The following VPS13B variants were observed in gnomAD, a reference collection of about 807,000 sequenced individuals.
VPS13B encodes intermembrane lipid transfer protein VPS13B.
A neutral mutation model predicts 426.4 loss-of-function variants in VPS13B; 285 were observed. The ratio of observed to expected loss-of-function variants is 0.67; its 90% CI spans 0.61 to 0.74. VPS13B has a LOEUF of 0.74. VPS13B is among the 30% of genes least tolerant of loss of function. The pLI is 0.00. For missense variants in VPS13B, 4,537 were observed against 4,782.6 expected, an observed-to-expected ratio of 0.95 and a Z score of 1.51; for synonymous variants, 1,676 against 1,676.4, an observed-to-expected ratio of 1.00 and a Z score of 0.01.
chr8:99,220,780 CTTTTTT>C (rs5893485), intron 17 of VPS13B, among the ~76,000 whole-genome samples: 1,458 of 112,934 alleles, frequency 0.013, 15 homozygotes, highest in African/African-American at 0.018. Context: ...TAGTTTTATT[CTTTTTT>C]TTTTTTTTTT....
chr8:99,870,829 C>T lies in VPS13B; in HGVS notation c.11437C>T (p.His3813Tyr). 3 of 1,614,186 alleles carry T rather than the reference C, an allele frequency of 1.9e-6. No homozygotes were observed. Among genetic ancestry groups the T allele is most frequent in the Admixed American group, 3.3e-5 (2 of 60,026 alleles). Reference protein sequence around the residue: ...AGLSQLPKQRHQPSDLHADQA... With the variant: ...AGLSQLPKQRYQPSDLHADQA... ...ACTTTCTCAGCTTCCCAAACAGCGCCATCAGCCAAGTGATCTACATGCTGA... is the reference window on the plus strand; with the variant it reads ...ACTTTCTCAGCTTCCCAAACAGCGCTATCAGCCAAGTGATCTACATGCTGA... Residue 3813 changes from histidine (H) to tyrosine (Y), a missense_variant, in exon 60 of 62, where the codon CAT becomes TAT. By Grantham distance (83) the His-to-Tyr change is moderately conservative. Transcript: ENST00000357162.
intron 33 of VPS13B, among the ~76,000 whole-genome samples, chr8:99,596,688 A>G (rs988803749): frequency 6.6e-6 from 1 of 152,008 alleles, no homozygotes; most frequent in African/African-American, 2.4e-5. Context: ...CTCACATTCC[A>G]TTGGTCAGAA....
intron 19 of VPS13B, among the ~76,000 whole-genome samples, chr8:99,318,357 A>G (rs902404730): frequency 6.6e-6 from 1 of 152,210 alleles, no homozygotes; most frequent in African/African-American, 2.4e-5. Flanking sequence ...AATTCCAGTG[A>G]TAAAAATATA....
chr8:99,624,008 T>TATA (rs61596072), intron 33 of VPS13B, among the ~76,000 whole-genome samples: 1,515 of 71,212 alleles, frequency 0.021, 10 homozygotes, highest in African/African-American at 0.026. Flanking sequence ...TATATATATA[T>TATA]TTTTTTTTTT....
chr8:99,244,559 T>G (rs776425546), intron 17 of VPS13B, among the ~76,000 whole-genome samples: 3 of 152,220 alleles, frequency 2.0e-5, no homozygotes, highest in Admixed American at 1.3e-4. Context: ...GAGAAAAATA[T>G]TCTGAGGACC....
chr8:99,130,651 A>G (rs1809735627), intron 8 of VPS13B, among the ~76,000 whole-genome samples: 1 of 152,086 alleles, frequency 6.6e-6, no homozygotes, highest in South Asian at 2.1e-4. Context: ...CGGCCTCCCA[A>G]AGTGCTGGGA....
At chr8:99,256,451 T>C (rs1817745940) in intron 17 of VPS13B, among the ~76,000 whole-genome samples, 1 of 152,216 alleles carries the variant, frequency 6.6e-6, no homozygotes, top group Non-Finnish European at 1.5e-5. Context: ...GTTCTATGTT[T>C]AATTTCTTGA....
At chr8:99,688,623 C>G (rs367963868) in intron 35 of VPS13B, among the ~76,000 whole-genome samples, 4 of 152,076 alleles carry the variant, frequency 2.6e-5, no homozygotes, top group African/African-American at 9.7e-5. Context: ...TGTGAGAGTT[C>G]AGGAGAAAAT....
chr8:99,346,865 TTGATGG>T (rs958637225), intron 19 of VPS13B: 8 of 152,612 alleles, frequency 5.2e-5, no homozygotes, highest in African/African-American at 1.9e-4. Context: ...TTGGTTGAAG[TTGATGG>T]TGACAGAAAT....
chr8:99,709,091 A>T (rs1351969157), intron 36 of VPS13B, among the ~76,000 whole-genome samples: 1 of 152,132 alleles, frequency 6.6e-6, no homozygotes, highest in Admixed American at 6.6e-5. Flanking sequence ...TACTTACAAA[A>T]TTTTGTCGTT....
intron 18 of VPS13B, among the ~76,000 whole-genome samples, chr8:99,274,581 T>G (rs1159265874): frequency 1.3e-5 from 2 of 152,128 alleles, no homozygotes; most frequent in African/African-American, 4.8e-5. Context: ...GAATGTTTAT[T>G]ATACTTTTTG....
In VPS13B at chr8:99,577,478, T is replaced by C; in HGVS notation, c.5077-12T>C. 2 of 1,613,568 alleles carry C rather than the reference T, an allele frequency of 1.2e-6. No individual in the cohort carries two copies. The highest frequency in any genetic ancestry group is 1.7e-6 in the Non-Finnish European group (2 of 1,179,552). On this transcript the variant is annotated splice_polypyrimidine_tract_variant and intron_variant, in intron 32 of 61. Transcript: ENST00000357162. ...ATGTTTCTTTATCTGTATTCTACCGTTTTTGCTTCAGGAGATTTTAGTGTG... is the reference window on the plus strand; with the variant it reads ...ATGTTTCTTTATCTGTATTCTACCGCTTTTGCTTCAGGAGATTTTAGTGTG...
At position 99,527,642 on chromosome 8, in the gene VPS13B, C is replaced by T. The variant is rs560278750; in HGVS notation, c.4745+6632C>T. ...CAACCCCTTCTCCTGAGAAATTTTT[C>T]AGGTCCTTGTCTCAAGCCAAAAGAG... is the stretch of plus-strand genomic sequence containing the variant. On this transcript the variant is annotated intron_variant, in intron 30 of 61. Transcript: ENST00000357162. Among the ~76,000 whole-genome samples, 71 of 152,192 alleles carry T rather than the reference C, an allele frequency of 4.7e-4. 1 individual carries two copies. Among genetic ancestry groups the T allele is most frequent in the South Asian group, 3.7e-3 (18 of 4,818 alleles).
chr8:99,467,341 T>G, intron 23 of VPS13B, 73 bp from the exon 24 acceptor site: 13 of 1,416,246 alleles, frequency 9.2e-6, no homozygotes, highest in Non-Finnish European at 1.2e-5. Flanking sequence ...ATGTTTTACA[T>G]TTTACTATCA....
rs1355065541 is a variant in VPS13B at position 99,377,269 on chromosome 8, G to A, written c.2825-6939G>A. On this transcript the variant is annotated intron_variant, in intron 19 of 61. Coordinates refer to ENST00000357162, the MANE Select transcript of VPS13B (RefSeq NM_152564.5). ...CATTACCTTTTTTAAAAACCATATT[G>A]TCTCTTCCCCATTCTCTATTATCTC... 2.0e-5 allele frequency among the ~76,000 whole-genome samples: 3 copies of A among 151,632 alleles called. No homozygotes were observed. The East Asian group carries it at 5.8e-4, about 29-fold the overall frequency.
intron 19 of VPS13B, among the ~76,000 whole-genome samples, chr8:99,343,131 G>T (rs912303679): frequency 6.8e-6 from 1 of 147,552 alleles, no homozygotes; most frequent in Admixed American, 6.8e-5. Context: ...GTCTCGCTCT[G>T]TCGCCAGGCT....
chr8:99,333,663 G>A (rs1233162217), intron 19 of VPS13B, among the ~76,000 whole-genome samples: 1 of 151,696 alleles, frequency 6.6e-6, no homozygotes, highest in Non-Finnish European at 1.5e-5. Flanking sequence ...CTTTCCTTCT[G>A]CTTCCTCCTC....
intron 19 of VPS13B, among the ~76,000 whole-genome samples, chr8:99,369,006 T>C (rs950016225): frequency 3.3e-5 from 5 of 152,258 alleles, no homozygotes; most frequent in African/African-American, 1.2e-4. Flanking sequence ...TCTTGTATGA[T>C]TGGCAGAATC....
At chr8:99,790,209 A>T (rs1359611947) in intron 43 of VPS13B, among the ~76,000 whole-genome samples, 1 of 152,166 alleles carries the variant, frequency 6.6e-6, no homozygotes, top group African/African-American at 2.4e-5. Flanking sequence ...CTACAGCTCA[A>T]GCAATTTTCC....
Sources: allele counts gnomAD v4.1 joint callset (sites outside exome capture counted in the v4.1 genomes callset), GRCh38; gene constraint gnomAD v4.1.1; transcripts MANE v1.5; gene names NCBI Gene and HGNC (gene_info 2026-07-23, HGNC 2026-07-21).